The following NF1 variants were observed in gnomAD, a reference collection of about 807,000 sequenced individuals.
NF1 encodes the protein neurofibromin.
NF1 carries 122 observed loss-of-function variants against 325.7 expected under a neutral mutation model. The ratio of observed to expected loss-of-function variants is 0.37; its 90% confidence interval spans 0.32 to 0.44. NF1 has a LOEUF of 0.44. Ranked by LOEUF, NF1 falls within the 20% of genes least tolerant of loss-of-function variation. The pLI is 1.00. For missense variants in NF1, 2,140 were observed against 3,415.4 expected, an observed-to-expected ratio of 0.63 and a Z score of 9.31; for synonymous variants, 1,091 against 1,186.0, an observed-to-expected ratio of 0.92 and a Z score of 1.65.
intron 1 of NF1, among the ~76,000 whole-genome samples, chr17:31,131,256 C>G (rs1359106842): frequency 1.3e-5 from 2 of 152,216 alleles, no homozygotes. Context: ...CTCTAAGCAG[C>G]TTTCCCTGCC....
intron 49 of NF1, 91 bp downstream of exon 49, chr17:31,349,342 T>C (rs2070082956): frequency 1.5e-6 from 2 of 1,353,512 alleles, no homozygotes; most frequent in Admixed American, 2.0e-5. Context: ...TTTTTGGCGG[T>C]TGCGTGGCAG....
chr17:31,208,673 C>T (rs936853805), intron 12 of NF1, among the ~76,000 whole-genome samples: 1 of 152,078 alleles, frequency 6.6e-6, no homozygotes, highest in Admixed American at 6.5e-5. Flanking sequence ...TGCGGATCAC[C>T]TGAGGTCAGG....
chr17:31,203,808 A>C (rs1008613179), intron 11 of NF1, among the ~76,000 whole-genome samples: 3 of 152,068 alleles, frequency 2.0e-5, no homozygotes, highest in African/African-American at 7.2e-5. Context: ...CTCAAATAAG[A>C]TAAAAGTTTT....
In NF1 at chr17:31,356,475, T is replaced by G; in HGVS notation, c.7631T>G (p.Phe2544Cys). The change falls in exon 52 of 58, where the codon TTT (phenylalanine) becomes TGT (cysteine). Residue 2544 changes from phenylalanine (F) to cysteine (C), a missense_variant. Coordinates refer to ENST00000358273, the MANE Select transcript of NF1 (RefSeq NM_001042492.3). ...TKKLLGTRKSFDHLISDTKAP... is the reference protein window; with the variant it reads ...TKKLLGTRKSCDHLISDTKAP... Reference sequence around the variant, plus strand: ...TTGTTTATAGGAACAAGGAAAAGTTTTGATCACTTGATATCAGACACAAAG... The same window carrying G: ...TTGTTTATAGGAACAAGGAAAAGTTGTGATCACTTGATATCAGACACAAAG... The G allele has an allele frequency of 1.2e-6, 2 of 1,613,634 alleles. No individual in the cohort carries two copies. The highest frequency in any genetic ancestry group is 1.7e-6 in the Non-Finnish European group (2 of 1,179,676).
chr17:31,293,234 C>T (rs1008822718), intron 36 of NF1, among the ~76,000 whole-genome samples: 2 of 128,408 alleles, frequency 1.6e-5, no homozygotes, highest in African/African-American at 5.4e-5. Context: ...CTGTGAAAGT[C>T]GGTGTATATG....
At chr17:31,155,696 A>G (rs1315932987) in intron 1 of NF1, among the ~76,000 whole-genome samples, 4 of 152,226 alleles carry the variant, frequency 2.6e-5, no homozygotes, top group Non-Finnish European at 2.9e-5. Context: ...TTTTGTAGAT[A>G]GAGATTTATG....
chr17:31,299,112 A>G (rs2068523077), intron 36 of NF1, among the ~76,000 whole-genome samples: 1 of 152,084 alleles, frequency 6.6e-6, no homozygotes, highest in Admixed American at 6.5e-5. Context: ...GCTTCATATT[A>G]TTCAAAGATT....
chr17:31,188,333 C>G (rs2066278921), intron 8 of NF1, among the ~76,000 whole-genome samples: 1 of 152,208 alleles, frequency 6.6e-6, no homozygotes, highest in Admixed American at 6.5e-5. Flanking sequence ...TACACCTGTA[C>G]TAAGAAAATA....
intron 36 of NF1, among the ~76,000 whole-genome samples, chr17:31,267,078 T>C (rs911309373): frequency 4.6e-5 from 7 of 151,962 alleles, no homozygotes; most frequent in African/African-American, 7.3e-5. Flanking sequence ...ATTGCAGACA[T>C]GTAGAACCAT....
intron 36 of NF1, chr17:31,295,302 T>TG: frequency 6.2e-7 from 1 of 1,614,156 alleles, no homozygotes; most frequent in Non-Finnish European, 8.5e-7. Context: ...TCATGTGAAT[T>TG]GATAGTCTCT....
intron 5 of NF1, among the ~76,000 whole-genome samples, chr17:31,171,245 G>A (rs1468882186): frequency 1.3e-5 from 2 of 152,116 alleles, no homozygotes; most frequent in Non-Finnish European, 2.9e-5. Context: ...GGTGATTTTA[G>A]CTGTTATGCC....
chr17:31,258,203 G>A, intron 31 of NF1, 141 bp from the exon 32 acceptor site: 2 of 839,984 alleles, frequency 2.4e-6, no homozygotes, highest in South Asian at 3.1e-5. Flanking sequence ...TGTTTTGGGA[G>A]AAGAAAAAAA....
Position 31,350,251 on chromosome 17 carries a change from A to C in NF1, c.7390A>C (p.Thr2464Pro). ...SLKHRKSLLL[T>P]DISMENVPMD... is the part of the protein sequence containing the mutation. ...AAAACATAGAAAGTCACTTCTTCTT[A>C]CTGATATTTCAATGGAAAATGTTCC... Residue 2464 changes from threonine to proline, a missense_variant, in exon 50 of 58, where the codon ACT becomes CCT. Thr to Pro is a conservative substitution (Grantham distance 38). Coordinates refer to ENST00000358273, the MANE Select transcript of NF1 (RefSeq NM_001042492.3). 2 of 1,613,716 alleles carry C rather than the reference A, an allele frequency of 1.2e-6. No homozygotes were observed. The highest frequency in any genetic ancestry group is 1.7e-6 in the Non-Finnish European group (2 of 1,179,624).
intron 36 of NF1, among the ~76,000 whole-genome samples, chr17:31,268,950 C>T (rs947298294): frequency 6.6e-6 from 1 of 152,068 alleles, no homozygotes; most frequent in Non-Finnish European, 1.5e-5. Flanking sequence ...AAGCAATCCT[C>T]CTGCCTTGGC....
At chr17:31,274,217 T>C (rs1190213000) in intron 36 of NF1, among the ~76,000 whole-genome samples, 2 of 152,196 alleles carry the variant, frequency 1.3e-5, no homozygotes, top group Non-Finnish European at 2.9e-5. Flanking sequence ...GGTTTTTTAA[T>C]GTATTAAACC....
rs1361377546 is a variant in NF1, at chr17:31,340,526, C to G, written c.6943C>G (p.Leu2315Val). ...LNKDSPLHKA[L>V]FWVAVAVLQL... The stretch of plus-strand genomic sequence containing the variant: ...CCAGGACTCGCCTCTGCACAAAGCC[C>G]TCTTTTGGGTAGCTGTGGCTGTGCT... The change falls in exon 47 of 58, where the codon CTC (leucine) becomes GTC (valine). Residue 2315 changes from leucine to valine, a missense_variant. By Grantham distance (32) the Leu-to-Val change is conservative (BLOSUM62 1). Around this residue, in one of 10 missense-constraint regions of NF1, gnomAD observed 522 missense variants for 749.0 expected, o/e 0.70. Coordinates refer to ENST00000358273, the MANE Select transcript of NF1 (RefSeq NM_001042492.3). The G allele has an allele frequency of 6.2e-7, 1 of 1,614,136 alleles. No homozygotes were observed. The highest frequency in any genetic ancestry group is 1.7e-5 in the Admixed American group (1 of 60,012).
chr17:31,274,717 G>A (rs1013203024), intron 36 of NF1, among the ~76,000 whole-genome samples: 5 of 137,846 alleles, frequency 3.6e-5, no homozygotes, highest in African/African-American at 1.1e-4. Context: ...ATTTCTTTGG[G>A]GGGTATATAG....
chr17:31,268,115 T>C (rs545395162), intron 36 of NF1, among the ~76,000 whole-genome samples: 25 of 152,350 alleles, frequency 1.6e-4, no homozygotes, highest in East Asian at 7.7e-4. Flanking sequence ...CTCTTCCTCA[T>C]GATTTTCATC....
intron 1 of NF1, among the ~76,000 whole-genome samples, chr17:31,113,564 C>G (rs1913617335): frequency 6.6e-6 from 1 of 152,092 alleles, no homozygotes; most frequent in Non-Finnish European, 1.5e-5. Context: ...GGGTCTTGCT[C>G]TGTTGCACAG....
Sources: gnomAD v4.1 joint callset for allele counts (sites outside exome capture counted in the v4.1 genomes callset) on GRCh38, gnomAD v4.1.1 for gene constraint, gnomAD v4.1.1 regional missense constraint, MANE v1.5 for transcripts, NCBI Gene and HGNC (gene_info 2026-07-23, HGNC 2026-07-21) for gene names.